The following PRDM9 variants were observed in gnomAD, a reference collection of about 807,000 sequenced individuals.
PRDM9 encodes the protein PR/SET domain 9.
A neutral mutation model predicts 55.6 loss-of-function variants in PRDM9; 47 were observed. The observed-to-expected ratio is 0.85, with a 90% CI of 0.67 to 1.08. The LOEUF (loss-of-function observed/expected upper bound fraction) is 1.08, where lower values mean the gene tolerates loss of function less well. Among genes scored for constraint, PRDM9 ranks in the 50% least tolerant of loss-of-function variants. The pLI is 0.00. For synonymous variants in PRDM9, 312 were observed against 375.7 expected, an observed-to-expected ratio of 0.83 and a Z score of 1.96; for missense variants, 867 against 1,040.3, an observed-to-expected ratio of 0.83 and a Z score of 2.29.
At position 23,521,061 on chromosome 5, in the gene PRDM9, G is replaced by A. The variant is rs767070095; in HGVS notation, c.390G>A (p.Leu130=). Residue 130 remains leucine, a synonymous_variant, in exon 6 of 11, where the codon TTG becomes TTA. Transcript: ENST00000296682. The stretch of plus-strand genomic sequence containing the variant: ...CGTCATTCAGTAATGAATCTAGTTT[G>A]AAAGAATTGTCAAGAACAGCAAATT... The part of the protein sequence containing the change: ...PKASFSNESS[L]KELSRTANLL... The A allele has an allele frequency of 2.5e-6, 4 of 1,614,220 alleles. No individual in the cohort carries two copies. The South Asian group carries it at 3.3e-5, about 13-fold the overall frequency.
chr5:23,514,191 C>T (rs1739155385), intron 4 of PRDM9, among the ~76,000 whole-genome samples: 1 of 152,062 alleles, frequency 6.6e-6, no homozygotes, highest in Non-Finnish European at 1.5e-5. Context: ...GTTTTTTGCC[C>T]ATTGTATTAG....
At chr5:23,510,354 C>G (rs1579587990) in intron 4 of PRDM9, among the ~76,000 whole-genome samples, 1 of 148,940 alleles carries the variant, frequency 6.7e-6, no homozygotes, top group African/African-American at 2.4e-5. Context: ...AGCCACCACG[C>G]CTGGCCTATT....
chr5:23,526,498 G>A lies in PRDM9; in HGVS notation c.1410G>A (p.Arg470=). ...SKLLNKRTWQ[R]EISRAFSSPP... is the part of the protein sequence containing the mutation. The stretch of plus-strand genomic sequence containing the variant: ...TCTTGAATAAAAGGACATGGCAGAG[G>A]GAGATTTCAAGGGCCTTTTCTAGCC... Residue 470 remains arginine (R), a synonymous_variant, in exon 11 of 11, where the codon AGG becomes AGA. Coordinates refer to ENST00000296682, the MANE Select transcript of PRDM9 (RefSeq NM_020227.4). The A allele has an allele frequency of 6.2e-7, 1 of 1,614,038 alleles. No homozygotes were observed. The highest frequency in any genetic ancestry group is 1.1e-5 in the South Asian group (1 of 91,076).
rs773503383 is a variant in PRDM9 at position 23,522,667 on chromosome 5, C to T, written c.664C>T (p.Pro222Ser). ...TGACAGCTGTGCTGCCCATGGGCCC[C>T]CTACATTTGTAAAGGACAGTGCAGT... ...FIDSCAAHGP[P>S]TFVKDSAVDK... Residue 222 changes from proline to serine, a missense_variant, in exon 8 of 11, where the codon CCT (proline) becomes TCT (serine). By Grantham distance (74) the Pro-to-Ser change is moderately conservative. Coordinates refer to ENST00000296682, the MANE Select transcript of PRDM9 (RefSeq NM_020227.4). The T allele has an allele frequency of 2.8e-5, 46 of 1,614,110 alleles. No individual in the cohort carries two copies. In the South Asian group the frequency reaches 4.8e-4, roughly 17 times the overall value.
Position 23,521,114 on chromosome 5 carries a change from C to A in PRDM9, c.443C>A (p.Ala148Asp). 1 of 1,614,136 alleles carries A rather than the reference C, an allele frequency of 6.2e-7. No individual in the cohort carries two copies. Among genetic ancestry groups the A allele is most frequent in the Non-Finnish European group, 8.5e-7 (1 of 1,180,044 alleles). Reference protein sequence around the residue: ...NLLNASGSEQAQKPVSPSGEA... With the variant: ...NLLNASGSEQDQKPVSPSGEA... Reference sequence around the variant, plus strand: ...CTGAATGCAAGTGGCTCAGAGCAGGCTCAGAAACCAGTGTCCCCTTCTGGA... The same window carrying A: ...CTGAATGCAAGTGGCTCAGAGCAGGATCAGAAACCAGTGTCCCCTTCTGGA... The change falls in exon 6 of 11, where the codon GCT becomes GAT. Residue 148 changes from alanine to aspartate, a missense_variant. Around this residue, in one of 5 missense-constraint regions of PRDM9, gnomAD observed 662 missense variants for 711.9 expected, o/e 0.93. Transcript: ENST00000296682.
At chr5:23,521,275 C>T (rs1739323932) in intron 6 of PRDM9, 96 bp downstream of exon 6, 2 of 1,451,072 alleles carry the variant, frequency 1.4e-6, no homozygotes, top group African/African-American at 1.4e-5. Context: ...TTTGCATAGG[C>T]CTGGGCTTAA....
In PRDM9 at chr5:23,527,430, G is replaced by A. The variant is rs1739485172; in HGVS notation, c.2342G>A (p.Cys781Tyr). The change falls in exon 11 of 11, where the codon TGT becomes TAT. Residue 781 changes from cysteine to tyrosine, a missense_variant. By Grantham distance (194) the Cys-to-Tyr change is radical. Coordinates refer to ENST00000296682, the MANE Select transcript of PRDM9 (RefSeq NM_020227.4). ...TGEKPYVCRE[C>Y]GRGFRDKSNL... ...GAGAAGCCCTATGTCTGCAGGGAGT[G>A]TGGGCGGGGCTTTAGAGATAAGTCA... The A allele has an allele frequency of 6.3e-7, 1 of 1,598,172 alleles. No individual in the cohort carries two copies. The highest frequency in any genetic ancestry group is 2.3e-5 in the East Asian group (1 of 44,022).
At position 23,522,660 on chromosome 5, in the gene PRDM9, T is replaced by G; in HGVS notation, c.657T>G (p.His219Gln). Residue 219 changes from histidine (H) to glutamine (Q), a missense_variant, in exon 8 of 11, where the codon CAT becomes CAG. Physicochemically the swap from His to Gln is conservative, Grantham distance 24. Transcript: ENST00000296682. ...QNFFIDSCAA[H>Q]GPPTFVKDSA... ...TCTTCATTGACAGCTGTGCTGCCCATGGGCCCCCTACATTTGTAAAGGACA... is the reference window on the plus strand; with the variant it reads ...TCTTCATTGACAGCTGTGCTGCCCAGGGGCCCCCTACATTTGTAAAGGACA... 1 of 1,614,228 alleles carries G rather than the reference T, an allele frequency of 6.2e-7. No homozygotes were observed. The highest frequency in any genetic ancestry group is 8.5e-7 in the Non-Finnish European group (1 of 1,180,034).
Position 23,522,462 on chromosome 5 carries a change from T to G in PRDM9, c.610+57T>G, listed in dbSNP as rs199500582. 8.0e-5 allele frequency: 127 copies of G among 1,586,720 alleles called. 1 individual carries two copies. In the East Asian group the frequency reaches 2.8e-3, roughly 34 times the overall value. ...TGCTGTTATGTCCTGGTGCAATAAT[T>G]TCATCATTTGGCCCACAAATCATTC... is the stretch of plus-strand genomic sequence containing the variant. On this transcript the variant is annotated intron_variant, in intron 7 of 10. Coordinates refer to ENST00000296682, the MANE Select transcript of PRDM9 (RefSeq NM_020227.4).
At chr5:23,523,790 A>G (rs192777050) in intron 9 of PRDM9, among the ~76,000 whole-genome samples, 8 of 152,266 alleles carry the variant, frequency 5.3e-5, no homozygotes, top group Admixed American at 2.6e-4. Flanking sequence ...AAATGAATCA[A>G]CTATTACTGT....
chr5:23,514,108 T>C (rs1437629656), intron 4 of PRDM9, among the ~76,000 whole-genome samples: 2 of 152,228 alleles, frequency 1.3e-5, no homozygotes, highest in Non-Finnish European at 2.9e-5. Context: ...TCCCTGATGA[T>C]TAGTGATGTT....
At chr5:23,513,636 C>T (rs1739143122) in intron 4 of PRDM9, among the ~76,000 whole-genome samples, 1 of 152,116 alleles carries the variant, frequency 6.6e-6, no homozygotes, top group African/African-American at 2.4e-5. Flanking sequence ...AATCCTAGCA[C>T]TTTGGTAGGC....
At position 23,522,662 on chromosome 5, in the gene PRDM9, G is replaced by GCT; in HGVS notation, c.659_660insCT (p.Pro221CysfsTer6). 1 of 1,614,204 alleles carries GCT rather than the reference G, an allele frequency of 6.2e-7. No homozygotes were observed. The stretch of plus-strand genomic sequence containing the variant: ...TTCATTGACAGCTGTGCTGCCCATG[G>GCT]GCCCCCTACATTTGTAAAGGACAGT... On this transcript the variant is annotated frameshift_variant, in exon 8 of 11. Transcript: ENST00000296682. LOFTEE classifies it high-confidence loss of function.
At chr5:23,515,114 C>G (rs1739182355) in intron 4 of PRDM9, among the ~76,000 whole-genome samples, 1 of 152,002 alleles carries the variant, frequency 6.6e-6, no homozygotes, top group African/African-American at 2.4e-5. Context: ...CAGGCACATA[C>G]CACCACGCCC....
intron 1 of PRDM9, among the ~76,000 whole-genome samples, chr5:23,508,227 C>A (rs977556518): frequency 2.0e-5 from 3 of 152,036 alleles, no homozygotes; most frequent in Non-Finnish European, 2.9e-5. Context: ...ATCCCCTTAA[C>A]CTGATGAATC....
At chr5:23,517,765 C>T (rs1478239673) in intron 4 of PRDM9, 116 bp from the exon 5 acceptor site, 46 of 1,051,682 alleles carry the variant, frequency 4.4e-5, no homozygotes, top group Admixed American at 1.8e-4. Flanking sequence ...CCAGCCTGGG[C>T]GACAGAGGGA....
rs1450948511 is a variant in PRDM9, at chr5:23,527,849, T to G, written c.*76T>G. On this transcript the variant is annotated 3_prime_UTR_variant, in exon 11 of 11. Transcript: ENST00000296682. ...TCACCACACACTTGCACACCCCAGC[T>G]GTGAGGTGGCTTCAGCGGAAGTCTG... The G allele has an allele frequency of 1.3e-6, 2 of 1,581,912 alleles. No individual in the cohort carries two copies. Among genetic ancestry groups the G allele is most frequent in the Non-Finnish European group, 8.7e-7 (1 of 1,155,296 alleles).
chr5:23,522,191 A>G, intron 6 of PRDM9, 113 bp from the exon 7 acceptor site: 3 of 911,158 alleles, frequency 3.3e-6, no homozygotes, highest in Non-Finnish European at 5.5e-6. Flanking sequence ...GGGGGACACT[A>G]GAGTATGTAG....
chr5:23,518,379 T>C (rs1389300065), intron 5 of PRDM9, among the ~76,000 whole-genome samples: 2 of 152,202 alleles, frequency 1.3e-5, no homozygotes, highest in East Asian at 1.9e-4. Flanking sequence ...AGTTTCATAG[T>C]TTTATAAAGT....
Sources: allele counts gnomAD v4.1 joint callset (sites outside exome capture counted in the v4.1 genomes callset), GRCh38; gene constraint gnomAD v4.1.1; regional missense constraint gnomAD v4.1.1; transcripts MANE v1.5; gene names NCBI Gene and HGNC (gene_info 2026-07-23, HGNC 2026-07-21).